DIAPH2: variants seen among roughly 807,000 people sequenced by gnomAD.
DIAPH2 encodes diaphanous related formin 2, also known as protein diaphanous homolog 2.
DIAPH2 carries 35 observed loss-of-function variants against 92.7 expected under a neutral mutation model. The ratio of observed to expected loss-of-function variants is 0.38; its 90% CI spans 0.29 to 0.50. The LOEUF is 0.50. DIAPH2 is among the 20% of genes least tolerant of loss of function. The pLI, the probability that DIAPH2 is intolerant of heterozygous loss-of-function variation, is 0.94. For missense variants in DIAPH2, 701 were observed against 819.5 expected (o/e 0.86, Z 1.77); for synonymous variants, 301 against 280.4 (o/e 1.07, Z -0.73).
intron 1 of DIAPH2, among the ~76,000 whole-genome samples, chrX:96,732,796 G>C (rs1481634865): frequency 3.6e-5 from 4 of 111,903 alleles, no homozygotes; most frequent in African/African-American, 9.8e-5. Context: ...TCAATTCAAG[G>C]GCAGCTCTAG....
At chrX:96,914,583 A>G (rs191362840) in intron 7 of DIAPH2, among the ~76,000 whole-genome samples, 23 of 110,876 alleles carry the variant, frequency 2.1e-4, no homozygotes, top group Admixed American at 1.9e-3. Flanking sequence ...CATGTTGTCA[A>G]TTGTCGTGGC....
chrX:97,499,181 C>G (rs2070778905), intron 26 of DIAPH2, among the ~76,000 whole-genome samples: 1 of 112,048 alleles, frequency 8.9e-6, no homozygotes, highest in Non-Finnish European at 1.9e-5. Context: ...CATTTGTGTT[C>G]TGGGATCAAT....
chrX:96,944,778 T>C (rs1262083068), intron 13 of DIAPH2, among the ~76,000 whole-genome samples: 1 of 111,652 alleles, frequency 9.0e-6, no homozygotes, highest in East Asian at 2.8e-4. Flanking sequence ...TGTTTATGTA[T>C]ACACTTGTTG....
chrX:96,859,756 C>A (rs2065062007), intron 4 of DIAPH2, among the ~76,000 whole-genome samples: 1 of 109,483 alleles, frequency 9.1e-6, no homozygotes, highest in African/African-American at 3.3e-5. Context: ...ATTCTCTTGC[C>A]TCAGCCTCCT....
At chrX:97,375,519 A>G (rs997685004) in intron 24 of DIAPH2, among the ~76,000 whole-genome samples, 1 of 112,292 alleles carries the variant, frequency 8.9e-6, no homozygotes, top group Non-Finnish European at 1.9e-5. Context: ...ATTCAAGCAC[A>G]GAATATGTTA....
intron 22 of DIAPH2, among the ~76,000 whole-genome samples, chrX:97,185,671 G>A (rs2067597980): frequency 9.8e-6 from 1 of 102,407 alleles, no homozygotes; most frequent in African/African-American, 3.5e-5. Flanking sequence ...CTTTTCTAAA[G>A]TACTTTTCTA....
At chrX:97,494,909 A>G (rs550373353) in intron 26 of DIAPH2, among the ~76,000 whole-genome samples, 2 of 112,330 alleles carry the variant, frequency 1.8e-5, no homozygotes, top group African/African-American at 6.5e-5. Context: ...AATCTTGTAG[A>G]GCTATGCTCA....
intron 5 of DIAPH2, among the ~76,000 whole-genome samples, chrX:96,898,087 G>T (rs1217958795): frequency 1.1e-5 from 1 of 91,989 alleles, no homozygotes; most frequent in Non-Finnish European, 2.2e-5. Context: ...AGTATTCCAT[G>T]GTGTATATGT....
chrX:97,450,613 A>C (rs2070350979), intron 26 of DIAPH2, among the ~76,000 whole-genome samples: 1 of 110,541 alleles, frequency 9.0e-6, no homozygotes, highest in Non-Finnish European at 1.9e-5. Flanking sequence ...CGCAGCCCCC[A>C]CCTCTGTATA....
chrX:97,058,616 C>T (rs762581704), intron 17 of DIAPH2, among the ~76,000 whole-genome samples: 32 of 110,185 alleles, frequency 2.9e-4, no homozygotes, highest in Admixed American at 7.8e-4. Context: ...TCTTTTTGTC[C>T]TCTTAATTGG....
intron 21 of DIAPH2, among the ~76,000 whole-genome samples, chrX:97,126,478 T>C (rs1383285777): frequency 8.9e-6 from 1 of 112,252 alleles, no homozygotes; most frequent in Non-Finnish European, 1.9e-5. Flanking sequence ...GTTGGCCACA[T>C]TTATTGAGCC....
intron 4 of DIAPH2, among the ~76,000 whole-genome samples, chrX:96,841,514 A>T (rs1243346769): frequency 8.9e-6 from 1 of 111,896 alleles, no homozygotes; most frequent in Non-Finnish European, 1.9e-5. Context: ...ATGCCTTGAA[A>T]GTGCATCCAG....
chrX:97,465,680 C>T (rs145818326), intron 26 of DIAPH2, among the ~76,000 whole-genome samples: 2 of 111,212 alleles, frequency 1.8e-5, no homozygotes, highest in African/African-American at 3.3e-5. Context: ...CCAAACCAAC[C>T]GGAATTTTGT....
At chrX:96,928,524 C>T (rs1364374316) in intron 9 of DIAPH2, among the ~76,000 whole-genome samples, 2 of 111,087 alleles carry the variant, frequency 1.8e-5, no homozygotes, top group South Asian at 3.7e-4. Flanking sequence ...ACTTGTGTAA[C>T]GGCATAAAGG....
intron 4 of DIAPH2, among the ~76,000 whole-genome samples, chrX:96,787,686 C>CTTTTTTTT (rs56998803): frequency 3.7e-5 from 2 of 54,732 alleles, no homozygotes; most frequent in African/African-American, 1.8e-4. Context: ...ACTCTTTTCT[C>CTTTTTTTT]TTTTTTTTTT....
chrX:97,583,949 G>A (rs914007641), intron 26 of DIAPH2, among the ~76,000 whole-genome samples: 6 of 112,369 alleles, frequency 5.3e-5, no homozygotes, highest in East Asian at 5.6e-4. Context: ...GGTGCCGTCC[G>A]TCACCCCTTT....
chrX:97,185,490 T>C (rs1401308269), intron 22 of DIAPH2, among the ~76,000 whole-genome samples: 7 of 43,980 alleles, frequency 1.6e-4, no homozygotes, highest in Admixed American at 6.2e-4. Context: ...TATATATATA[T>C]ATATATATAT....
At chrX:97,420,551 A>C (rs963408012) in intron 25 of DIAPH2, among the ~76,000 whole-genome samples, 4 of 112,135 alleles carry the variant, frequency 3.6e-5, no homozygotes, top group South Asian at 3.7e-4. Flanking sequence ...GGAAACTGTT[A>C]ATTACCTGTT....
At chrX:97,019,838 G>GA (rs1460329469) in intron 17 of DIAPH2, among the ~76,000 whole-genome samples, 1 of 111,606 alleles carries the variant, frequency 9.0e-6, no homozygotes, top group East Asian at 2.8e-4. Flanking sequence ...AATATAAAAA[G>GA]AAAGTCTTCT....
Sources: allele counts gnomAD v4.1 joint callset (sites outside exome capture counted in the v4.1 genomes callset), GRCh38; gene constraint gnomAD v4.1.1; transcripts MANE v1.5; gene names NCBI Gene and HGNC (gene_info 2026-07-23, HGNC 2026-07-21).